The following STK32B variants were observed in gnomAD, a reference collection of about 807,000 sequenced individuals.
The protein encoded by STK32B is serine/threonine-protein kinase 32B.
In STK32B, 43 loss-of-function variants were observed where a neutral mutation model predicts 52.6. That is an observed-to-expected ratio of 0.82 (90% CI 0.64 to 1.05). The LOEUF is 1.05. Ranked by LOEUF, STK32B falls within the 50% of genes least tolerant of loss-of-function variation. The pLI, the probability that STK32B is intolerant of heterozygous loss-of-function variation, is 0.00. For synonymous variants in STK32B, 238 were observed against 204.3 expected, an observed-to-expected ratio of 1.17 and a Z score of -1.41; for missense variants, 621 against 534.6, an observed-to-expected ratio of 1.16 and a Z score of -1.59.
At chr4:5,340,255 C>T (rs184767122) in intron 4 of STK32B, among the ~76,000 whole-genome samples, 4 of 152,282 alleles carry the variant, frequency 2.6e-5, no homozygotes, top group African/African-American at 7.2e-5. Flanking sequence ...TGACAGAGCA[C>T]TACACAGCAC....
rs1736275754 is a variant in STK32B, at chr4:5,386,706, C to T, written c.435-11501C>T. 6.6e-6 allele frequency among the ~76,000 whole-genome samples: 1 copy of T among 152,192 alleles called. No individual in the cohort carries two copies. Among genetic ancestry groups the T allele is most frequent in the African/African-American group, 2.4e-5 (1 of 41,442 alleles). ...TCTGGCACTAATTTCCCAGACAACT[C>T]GAAGGAAGTTACTTAACTCATCTAA... On this transcript the variant is annotated intron_variant, in intron 4 of 11. Coordinates refer to ENST00000282908, the MANE Select transcript of STK32B (RefSeq NM_018401.3). This position sits in a 1 kb window ranked among gnomAD's most constrained non-coding sequence, Gnocchi z 4.5.
At chr4:5,054,441 G>A (rs560468337) in intron 1 of STK32B, among the ~76,000 whole-genome samples, 6 of 151,556 alleles carry the variant, frequency 4.0e-5, no homozygotes, top group African/African-American at 1.5e-4. Flanking sequence ...GGTGATAGAA[G>A]GGGGAAGGAC....
At chr4:5,372,726 G>GGT (rs911186536) in intron 4 of STK32B, among the ~76,000 whole-genome samples, 11 of 150,412 alleles carry the variant, frequency 7.3e-5, no homozygotes, top group African/African-American at 2.7e-4. Flanking sequence ...AAGTTGGGGG[G>GGT]GGGGGCGGTT....
chr4:5,383,950 G>T (rs939789900), intron 4 of STK32B, among the ~76,000 whole-genome samples: 1 of 152,344 alleles, frequency 6.6e-6, no homozygotes. Flanking sequence ...ATAAGGGCAT[G>T]GAGAGAAATG....
chr4:5,317,181 T>TTAC (rs1731043708), intron 3 of STK32B, among the ~76,000 whole-genome samples: 1 of 46,334 alleles, frequency 2.2e-5, no homozygotes, highest in African/African-American at 2.5e-4. Flanking sequence ...ACATATAATA[T>TTAC]ATATATATAA....
intron 3 of STK32B, among the ~76,000 whole-genome samples, chr4:5,257,681 C>T (rs922285261): frequency 6.6e-5 from 10 of 152,198 alleles, no homozygotes; most frequent in African/African-American, 2.4e-4. Context: ...TGGCTCAAGC[C>T]TGTGTAATCC....
intron 3 of STK32B, among the ~76,000 whole-genome samples, chr4:5,170,169 T>A (rs1408106229): frequency 6.6e-6 from 1 of 152,204 alleles, no homozygotes; most frequent in Admixed American, 6.5e-5. Flanking sequence ...GATGATTATC[T>A]CTGAACCTGA....
intron 2 of STK32B, among the ~76,000 whole-genome samples, chr4:5,163,191 G>T (rs998410719): frequency 3.9e-5 from 6 of 152,170 alleles, no homozygotes; most frequent in Non-Finnish European, 7.3e-5. Context: ...CAGAGTACGT[G>T]AAATATGCTA....
chr4:5,481,747 GAATT>G (rs2109199676), intron 11 of STK32B, among the ~76,000 whole-genome samples: 1 of 152,252 alleles, frequency 6.6e-6, no homozygotes, highest in African/African-American at 2.4e-5. Context: ...AATCCATCTT[GAATT>G]AATTTTTGTA....
At chr4:5,479,739 T>C (rs1355632426) in intron 11 of STK32B, among the ~76,000 whole-genome samples, 2 of 152,220 alleles carry the variant, frequency 1.3e-5, no homozygotes, top group African/African-American at 4.8e-5. Flanking sequence ...TTTGCTTTTT[T>C]CTCTTTCAAT....
intron 1 of STK32B, among the ~76,000 whole-genome samples, chr4:5,076,534 A>G (rs1273411234): frequency 6.6e-6 from 1 of 152,146 alleles, no homozygotes; most frequent in African/African-American, 2.4e-5. Context: ...CTGAATCACA[A>G]TTTGTTGCCC....
At chr4:5,226,149 G>C (rs1013445498) in intron 3 of STK32B, among the ~76,000 whole-genome samples, 1 of 152,226 alleles carries the variant, frequency 6.6e-6, no homozygotes, top group Non-Finnish European at 1.5e-5. Flanking sequence ...GAAATATCAT[G>C]TGTAAGCAAA....
At chr4:5,170,340 G>A (rs1042616976) in intron 3 of STK32B, among the ~76,000 whole-genome samples, 4 of 151,978 alleles carry the variant, frequency 2.6e-5, no homozygotes, top group Non-Finnish European at 4.4e-5. Context: ...TTAAGTTTTA[G>A]GGTACATGTG....
At chr4:5,350,917 C>G (rs1385887327) in intron 4 of STK32B, among the ~76,000 whole-genome samples, 1 of 151,738 alleles carries the variant, frequency 6.6e-6, no homozygotes, top group African/African-American at 2.4e-5. Flanking sequence ...TGATAAAGGG[C>G]TTAATATAAA....
rs1178968017 is a variant in STK32B, at chr4:5,058,062, C to G, written c.52+6147C>G. On this transcript the variant is annotated intron_variant, in intron 1 of 11. Transcript: ENST00000282908. This position sits in a 1 kb window ranked among gnomAD's most constrained non-coding sequence, Gnocchi z 4.8. ...TTGTTAGCAATCCTGGAGTCTTCTTCTTCTCAGTCCTTGATTTTTGTGACC... is the reference window on the plus strand; with the variant it reads ...TTGTTAGCAATCCTGGAGTCTTCTTGTTCTCAGTCCTTGATTTTTGTGACC... Among the ~76,000 whole-genome samples the G allele has an allele frequency of 6.6e-6, 1 of 152,214 alleles. No individual in the cohort carries two copies. Among genetic ancestry groups the G allele is most frequent in the Non-Finnish European group, 1.5e-5 (1 of 68,038 alleles).
chr4:5,346,845 C>T (rs560400622), intron 4 of STK32B, among the ~76,000 whole-genome samples: 150 of 152,300 alleles, frequency 9.8e-4, no homozygotes, highest in South Asian at 3.3e-3. Flanking sequence ...AATTGACTCA[C>T]GGTTCTTCAT....
At chr4:5,024,958 A>G in the STK32B span, among the ~76,000 whole-genome samples, 1 of 152,066 alleles carries the variant, frequency 6.6e-6, no homozygotes, top group African/African-American at 2.4e-5. Context: ...TTTGCATGCA[A>G]TCTCTGAAGG....
At chr4:5,038,295 G>C in the STK32B span, among the ~76,000 whole-genome samples, 3 of 152,182 alleles carry the variant, frequency 2.0e-5, no homozygotes, top group African/African-American at 7.2e-5. Flanking sequence ...TGGCCTCAAC[G>C]AGTCTGCATT....
chr4:5,311,621 G>T (rs1484843573), intron 3 of STK32B, among the ~76,000 whole-genome samples: 1 of 152,050 alleles, frequency 6.6e-6, no homozygotes, highest in East Asian at 1.9e-4. Flanking sequence ...AGATTCTGCA[G>T]CCATTAAACA....
Sources: gnomAD v4.1 joint callset for allele counts (sites outside exome capture counted in the v4.1 genomes callset) on GRCh38, gnomAD v4.1.1 for gene constraint, Gnocchi (gnomAD v3.1) non-coding constraint, MANE v1.5 for transcripts, NCBI Gene and HGNC (gene_info 2026-07-23, HGNC 2026-07-21) for gene names.